The following RHOBTB2 variants were observed in gnomAD, a reference collection of about 807,000 sequenced individuals.
The protein encoded by RHOBTB2 is Rho related BTB domain containing 2.
A neutral mutation model predicts 66.5 loss-of-function variants in RHOBTB2; 39 were observed. The observed-to-expected ratio is 0.59, with a 90% CI of 0.45 to 0.77. The LOEUF (loss-of-function observed/expected upper bound fraction) is 0.77, where lower values mean the gene tolerates loss of function less well. Ranked by LOEUF, RHOBTB2 falls within the 30% of genes least tolerant of loss-of-function variation. The pLI is 0.00. For synonymous variants in RHOBTB2, 390 were observed against 395.0 expected, an observed-to-expected ratio of 0.99 and a Z score of 0.15; for missense variants, 755 against 999.1, an observed-to-expected ratio of 0.76 and a Z score of 3.29.
chr8:23,004,961 C>G lies in RHOBTB2; in HGVS notation c.192+335C>G, dbSNP rs141982703. On this transcript the variant is annotated intron_variant, in intron 2 of 9. Coordinates refer to ENST00000251822, the MANE Select transcript of RHOBTB2 (RefSeq NM_015178.3). This position sits in a 1 kb window ranked among gnomAD's most constrained non-coding sequence, Gnocchi z 6.4. The stretch of plus-strand genomic sequence containing the variant: ...TGGAAGAGATACAAGCTGAGAGGAG[C>G]AAAGAAGCTGGCAGCTGATAGCAAA... 6.5e-4 allele frequency: 276 copies of G among 425,534 alleles called. 4 individuals carry two copies. The East Asian group carries it at 0.012, about 19-fold the overall frequency. The allele number at this position is 425,534 out of a possible 1,614,324, so 26.4% of individuals were successfully genotyped here.
At chr8:22,976,887 A>G in the RHOBTB2 span, among the ~76,000 whole-genome samples, 1 of 151,972 alleles carries the variant, frequency 6.6e-6, no homozygotes, top group South Asian at 2.1e-4. Context: ...CGGCCTCCCA[A>G]AGTGCTAGGA....
intron 1 of RHOBTB2, among the ~76,000 whole-genome samples, chr8:22,990,252 A>C (rs1585179309): frequency 6.6e-6 from 1 of 152,026 alleles, no homozygotes; most frequent in Non-Finnish European, 1.5e-5. Flanking sequence ...GAAAAGGGGG[A>C]CCCAGGTTAA....
the RHOBTB2 span, among the ~76,000 whole-genome samples, chr8:22,972,935 T>G: frequency 6.6e-6 from 1 of 152,188 alleles, no homozygotes; most frequent in Non-Finnish European, 1.5e-5. Flanking sequence ...CTGCGATGGG[T>G]GCAGTTTCCC....
At chr8:22,987,015 C>A (rs1585177580), upstream of RHOBTB2, among the ~76,000 whole-genome samples, 1 of 152,242 alleles carries the variant, frequency 6.6e-6, no homozygotes, top group East Asian at 1.9e-4. Flanking sequence ...CCTTCCATGG[C>A]CTCTAGCTCA....
In RHOBTB2 at chr8:23,009,462, C is replaced by T. The variant is rs559366301; in HGVS notation, c.1621-1076C>T. ...TCAATTGCCCATCACTGAGTGTCGT[C>T]GAACCTTGTAGTTAACGAGGTTCGA... On this transcript the variant is annotated intron_variant, in intron 6 of 9. Transcript: ENST00000251822. Among the ~76,000 whole-genome samples, 7 of 152,266 alleles carry T rather than the reference C, an allele frequency of 4.6e-5. No individual in the cohort carries two copies. In the South Asian group the frequency reaches 1.5e-3, roughly 32 times the overall value.
chr8:22,967,660 T>C, the RHOBTB2 span, among the ~76,000 whole-genome samples: 1 of 147,200 alleles, frequency 6.8e-6, no homozygotes, highest in Non-Finnish European at 1.5e-5. Flanking sequence ...TATGAGGTAC[T>C]TAGAATAGTC....
rs1481059138 is a variant in RHOBTB2 at position 22,999,666 on chromosome 8, T to C, written c.-450T>C. 3 of 1,247,176 alleles carry C rather than the reference T, an allele frequency of 2.4e-6. No individual in the cohort carries two copies. The Admixed American group carries it at 7.8e-5, about 32-fold the overall frequency. The allele number at this position is 1,247,176 out of a possible 1,614,324, so 77.3% of individuals were successfully genotyped here. A position where few individuals can be genotyped will look rare whatever the true frequency, so the allele number is the denominator to read the frequency against. On this transcript the variant is annotated 5_prime_UTR_variant, in exon 1 of 10. Coordinates refer to ENST00000251822, the MANE Select transcript of RHOBTB2 (RefSeq NM_015178.3). ...TTTTTTTGTGAATGAAAAAAGGAGG[T>C]CGCGAGCGGTACCTGGGACTGCAGC...
In RHOBTB2 at chr8:23,004,668, G is replaced by T. The variant is rs184446349; in HGVS notation, c.192+42G>T. 133 of 1,562,100 alleles carry T rather than the reference G, an allele frequency of 8.5e-5. 2 individuals carry two copies. In the Admixed American group the frequency reaches 1.9e-3, roughly 22 times the overall value. ...ACCTGGCTGGGGGTCCACGCCATGA[G>T]TCTGGGCTTGGGGGCTTCCTGAGGC... On this transcript the variant is annotated intron_variant, in intron 2 of 9. Coordinates refer to ENST00000251822, the MANE Select transcript of RHOBTB2 (RefSeq NM_015178.3). The surrounding 1 kb of genome is among the most constrained non-coding windows in gnomAD (Gnocchi z 6.4).
At chr8:23,014,815 G>A in intron 8 of RHOBTB2, 37 bp downstream of exon 8, 1 of 1,532,684 alleles carries the variant, frequency 6.5e-7, no homozygotes, top group African/African-American at 1.4e-5. Flanking sequence ...AACAGTCTCA[G>A]TTCTACACTC....
chr8:22,994,429 G>A (rs943756074), intron 2 of RHOBTB2: 3 of 555,158 alleles, frequency 5.4e-6, no homozygotes, highest in Non-Finnish European at 9.6e-6. Flanking sequence ...GACATCAGGG[G>A]CCGCTCTCTT....
At chr8:23,002,916 T>G (rs1281296089) in intron 1 of RHOBTB2, among the ~76,000 whole-genome samples, 1 of 152,184 alleles carries the variant, frequency 6.6e-6, no homozygotes, top group East Asian at 1.9e-4. Flanking sequence ...GGATCCCAGT[T>G]GCTATCGTTA....
intron 6 of RHOBTB2, among the ~76,000 whole-genome samples, chr8:23,009,168 A>G (rs148340874): frequency 1.9e-3 from 10 of 5,296 alleles, no homozygotes; most frequent in Non-Finnish European, 2.4e-3. Flanking sequence ...AAAAAAGAAA[A>G]AAAGAGAGAG....
chr8:22,996,211 C>T (rs1810551849), upstream of RHOBTB2, among the ~76,000 whole-genome samples: 3 of 152,016 alleles, frequency 2.0e-5, no homozygotes, highest in South Asian at 6.2e-4. Context: ...GGACAGGTTC[C>T]AGGGGTTTAT....
chr8:22,992,999 G>A (rs755720404), intron 2 of RHOBTB2, among the ~76,000 whole-genome samples: 3 of 152,330 alleles, frequency 2.0e-5, no homozygotes, highest in South Asian at 2.1e-4. Flanking sequence ...CCAGCTGCAC[G>A]ATGTGGCTGT....
In RHOBTB2 at chr8:23,010,581, T is replaced by C; in HGVS notation, c.1664T>C (p.Leu555Pro). Residue 555 changes from leucine (L) to proline (P), a missense_variant, in exon 7 of 10, where the codon CTG (leucine) becomes CCG (proline). Transcript: ENST00000251822. ...AGCAAGAGCTGCATGCGGGCCGTGC[T>C]GGAATACCTCTACACCGGCATGTTC... is the stretch of plus-strand genomic sequence containing the variant. Reference protein sequence around the residue: ...YTSKSCMRAVLEYLYTGMFTS... With the variant: ...YTSKSCMRAVPEYLYTGMFTS... The C allele has an allele frequency of 6.2e-7, 1 of 1,614,116 alleles. No homozygotes were observed. Among genetic ancestry groups the C allele is most frequent in the Non-Finnish European group, 8.5e-7 (1 of 1,180,012 alleles).
chr8:23,010,641 T>C lies in RHOBTB2; in HGVS notation c.1724T>C (p.Ile575Thr). The change falls in exon 7 of 10, where the codon ATC becomes ACC. Residue 575 changes from isoleucine (I) to threonine (T), a missense_variant. Ile to Thr is a moderately conservative substitution (Grantham distance 89, BLOSUM62 -1). This residue lies in a region of RHOBTB2 where 353 missense variants were observed against 458.2 expected (regional missense o/e 0.77). Coordinates refer to ENST00000251822, the MANE Select transcript of RHOBTB2 (RefSeq NM_015178.3). The stretch of plus-strand genomic sequence containing the variant: ...CCCGACCTGGATGACATGAAGCTCA[T>C]CATTCTAGCCAACCGCCTCTGCCTG... Reference protein sequence around the residue: ...SSPDLDDMKLIILANRLCLPH... With the variant: ...SSPDLDDMKLTILANRLCLPH... The C allele has an allele frequency of 1.2e-6, 2 of 1,614,168 alleles. No homozygotes were observed. The highest frequency in any genetic ancestry group is 1.7e-6 in the Non-Finnish European group (2 of 1,180,028).
chr8:22,974,157 G>A, the RHOBTB2 span, among the ~76,000 whole-genome samples: 3 of 152,136 alleles, frequency 2.0e-5, no homozygotes, highest in East Asian at 1.9e-4. Flanking sequence ...GGTCTAGGGT[G>A]GGGGTATGGA....
chr8:22,970,290 C>T, the RHOBTB2 span, among the ~76,000 whole-genome samples: 16 of 152,204 alleles, frequency 1.1e-4, no homozygotes, highest in Non-Finnish European at 1.6e-4. Flanking sequence ...GGAATGAACA[C>T]GGCACCAAGC....
At position 23,017,587 on chromosome 8, in the gene RHOBTB2, C is replaced by T; in HGVS notation, c.*118C>T. 2 of 1,456,014 alleles carry T rather than the reference C, an allele frequency of 1.4e-6. No homozygotes were observed. Among genetic ancestry groups the T allele is most frequent in the African/African-American group, 2.8e-5 (2 of 71,244 alleles). 90.2% of individuals were successfully genotyped at this position (1,456,014 alleles called of 1,614,324 possible). A position where few individuals can be genotyped will look rare whatever the true frequency, so the allele number is the denominator to read the frequency against. On this transcript the variant is annotated 3_prime_UTR_variant, in exon 10 of 10. Coordinates refer to ENST00000251822, the MANE Select transcript of RHOBTB2 (RefSeq NM_015178.3). The surrounding 1 kb of genome is among the most constrained non-coding windows in gnomAD (Gnocchi z 5.3). The stretch of plus-strand genomic sequence containing the variant: ...CCAGGGGGCCCACGTAACCAGGACC[C>T]AGAGGGTGGAGCTCTTCTTACCAGC...
Sources: gnomAD v4.1 joint callset for allele counts (sites outside exome capture counted in the v4.1 genomes callset) on GRCh38, gnomAD v4.1.1 for gene constraint, gnomAD v4.1.1 regional missense constraint, Gnocchi (gnomAD v3.1) non-coding constraint, MANE v1.5 for transcripts, NCBI Gene and HGNC (gene_info 2026-07-23, HGNC 2026-07-21) for gene names.